The following SPECC1 variants were observed in gnomAD, a reference collection of about 807,000 sequenced individuals.
SPECC1 encodes sperm antigen with calponin homology and coiled-coil domains 1, also known as cytospin-B.
In SPECC1, 62 loss-of-function variants were observed where a neutral mutation model predicts 104.1. The ratio of observed to expected loss-of-function variants is 0.60; its 90% confidence interval spans 0.49 to 0.74. The LOEUF (loss-of-function observed/expected upper bound fraction) is 0.74. Among genes scored for constraint, SPECC1 ranks in the 30% least tolerant of loss-of-function variants. SPECC1 has a pLI of 0.00. For synonymous variants in SPECC1, 513 were observed against 501.6 expected (o/e 1.02, Z -0.30); for missense variants, 1,306 against 1,310.5 (o/e 1.00, Z 0.05).
chr17:20,156,995 G>T (rs897478774), intron 3 of SPECC1, among the ~76,000 whole-genome samples: 1 of 152,066 alleles, frequency 6.6e-6, no homozygotes, highest in Non-Finnish European at 1.5e-5. Context: ...GGGGGTGGGG[G>T]GCCGGTGACA....
In SPECC1 at chr17:20,315,027, C is replaced by T. The variant is rs989185582; in HGVS notation, c.*962C>T. ...CAGTCCTCGTCACCTGCGCCTTTGT[C>T]CTCCCATTCGTTTACCCTCCCGTTC... On this transcript the variant is annotated 3_prime_UTR_variant, in exon 15 of 15. Transcript: ENST00000395527. 1 of 232,784 alleles carries T rather than the reference C, an allele frequency of 4.3e-6. No homozygotes were observed. Among genetic ancestry groups the T allele is most frequent in the Non-Finnish European group, 8.5e-6 (1 of 117,826 alleles). The allele number at this position is 232,784 out of a possible 1,614,324, so 14.4% of individuals were successfully genotyped here.
intron 1 of SPECC1, among the ~76,000 whole-genome samples, chr17:20,019,156 C>T (rs1396729944): frequency 1.3e-5 from 2 of 152,088 alleles, no homozygotes; most frequent in African/African-American, 4.8e-5. Context: ...GTGGGAGGAT[C>T]TCTTGAAGCC....
At chr17:20,176,679 T>C (rs1466313377) in intron 3 of SPECC1, among the ~76,000 whole-genome samples, 1 of 152,148 alleles carries the variant, frequency 6.6e-6, no homozygotes, top group Non-Finnish European at 1.5e-5. Context: ...CCTCAGCTTG[T>C]GGCCCCTTCT....
intron 12 of SPECC1, among the ~76,000 whole-genome samples, chr17:20,293,178 G>GAT (rs2041229270): frequency 6.6e-6 from 1 of 151,332 alleles, no homozygotes; most frequent in Non-Finnish European, 1.5e-5. Context: ...AAGAAATCTA[G>GAT]ATAAAAACCT....
intron 1 of SPECC1, among the ~76,000 whole-genome samples, chr17:20,031,925 C>T (rs1340337095): frequency 6.6e-6 from 1 of 152,256 alleles, no homozygotes; most frequent in African/African-American, 2.4e-5. Context: ...TTGCTTCTAC[C>T]TTTTGGCTAT....
intron 12 of SPECC1, among the ~76,000 whole-genome samples, chr17:20,292,986 C>T (rs549114664): frequency 2.6e-5 from 4 of 152,302 alleles, no homozygotes; most frequent in East Asian, 3.9e-4. Flanking sequence ...CCAGGGTCAT[C>T]CTGGATGCTG....
intron 2 of SPECC1, among the ~76,000 whole-genome samples, chr17:20,104,739 T>A (rs2048105349): frequency 5.2e-5 from 2 of 38,426 alleles, no homozygotes; most frequent in East Asian, 7.3e-4. Flanking sequence ...TGAGACTGTC[T>A]CAAAAAAAAA....
intron 3 of SPECC1, among the ~76,000 whole-genome samples, chr17:20,132,622 G>A (rs1178567557): frequency 2.6e-5 from 4 of 150,948 alleles, no homozygotes; most frequent in Middle Eastern, 3.4e-3. Flanking sequence ...AATTGTTATA[G>A]GGCTACTCAT....
intron 1 of SPECC1, among the ~76,000 whole-genome samples, chr17:20,026,994 G>C (rs1188613601): frequency 2.0e-5 from 3 of 152,082 alleles, no homozygotes; most frequent in African/African-American, 7.2e-5. Flanking sequence ...GGAGTGAGAG[G>C]ATATCTCATA....
chr17:20,314,000 G>C lies in SPECC1; in HGVS notation c.3142G>C (p.Asp1048His), dbSNP rs1285863651. 6.2e-7 allele frequency: 1 copy of C among 1,614,166 alleles called. No homozygotes were observed. Among genetic ancestry groups the C allele is most frequent in the Non-Finnish European group, 8.5e-7 (1 of 1,180,022 alleles). The change falls in exon 15 of 15, where the codon GAC becomes CAC. Residue 1048 changes from aspartate to histidine, a missense_variant. By Grantham distance (81) the Asp-to-His change is moderately conservative. Transcript: ENST00000395527. ...SLELSEMLYT[D>H]RPDWQSVMQY... ...GGAACTCAGCGAGATGCTGTACACA[G>C]ACCGGCCCGACTGGCAGAGTGTGAT... is the stretch of plus-strand genomic sequence containing the variant.
chr17:20,107,877 G>A (rs757126612), intron 2 of SPECC1, among the ~76,000 whole-genome samples: 18 of 152,058 alleles, frequency 1.2e-4, no homozygotes, highest in Non-Finnish European at 2.4e-4. Context: ...CAGGCATAGT[G>A]TTGTGCACCT....
intron 3 of SPECC1, among the ~76,000 whole-genome samples, chr17:20,171,972 CT>C (rs1339171535): frequency 6.6e-6 from 1 of 152,196 alleles, no homozygotes; most frequent in African/African-American, 2.4e-5. Flanking sequence ...ACCAGAAGTG[CT>C]TCTCCTAGTA....
At chr17:20,303,991 G>A (rs1297962048) in intron 13 of SPECC1, among the ~76,000 whole-genome samples, 1 of 149,642 alleles carries the variant, frequency 6.7e-6, no homozygotes, top group African/African-American at 2.5e-5. Flanking sequence ...GAACATAATG[G>A]CCAGGTGCCA....
chr17:20,023,542 G>C (rs1167831821), intron 1 of SPECC1, among the ~76,000 whole-genome samples: 1 of 152,106 alleles, frequency 6.6e-6, no homozygotes, highest in African/African-American at 2.4e-5. Context: ...TGGGAGCAGG[G>C]CATGTCAGGT....
chr17:20,247,347 C>T (rs750296352), intron 9 of SPECC1, 28 bp downstream of exon 9: 2 of 1,529,628 alleles, frequency 1.3e-6, no homozygotes, highest in Admixed American at 1.7e-5. Context: ...ATAACCACTG[C>T]TTATGGTTTG....
chr17:20,206,728 C>T (rs1159865081), intron 4 of SPECC1, among the ~76,000 whole-genome samples: 2 of 151,934 alleles, frequency 1.3e-5, no homozygotes, highest in Non-Finnish European at 2.9e-5. Flanking sequence ...GATGACTTAC[C>T]GAGTCAAAGA....
intron 9 of SPECC1, among the ~76,000 whole-genome samples, chr17:20,248,654 A>G (rs1052069501): frequency 1.3e-5 from 2 of 151,876 alleles, no homozygotes; most frequent in African/African-American, 4.8e-5. Flanking sequence ...TAGGCCATTT[A>G]TCTCTTGTGT....
At chr17:20,112,880 G>T (rs1348937165) in intron 3 of SPECC1, 2 of 1,580,672 alleles carry the variant, frequency 1.3e-6, no homozygotes, top group Non-Finnish European at 1.7e-6. Context: ...AGAGAATTGT[G>T]ATCTGTCTGG....
At chr17:20,176,836 A>C (rs2034506099) in intron 3 of SPECC1, among the ~76,000 whole-genome samples, 2 of 152,202 alleles carry the variant, frequency 1.3e-5, no homozygotes, top group Non-Finnish European at 2.9e-5. Context: ...TTATCTCAAT[A>C]TCCTTAAGCA....
Sources: allele counts gnomAD v4.1 joint callset (sites outside exome capture counted in the v4.1 genomes callset), GRCh38; gene constraint gnomAD v4.1.1; transcripts MANE v1.5; gene names NCBI Gene and HGNC (gene_info 2026-07-23, HGNC 2026-07-21).